Variants in PLXNA4 observed in about 807,000 individuals in gnomAD.
The protein encoded by PLXNA4 is plexin A4.
Under a neutral mutation model 191.8 loss-of-function variants are expected in PLXNA4, and 44 were observed. That is an observed-to-expected ratio of 0.23 (90% confidence interval 0.18 to 0.29). The LOEUF is 0.29. Ranked by LOEUF, PLXNA4 falls within the 10% of genes least tolerant of loss-of-function variation. PLXNA4 has a pLI of 1.00. For synonymous variants in PLXNA4, 1,082 were observed against 1,009.5 expected (o/e 1.07, Z -1.36); for missense variants, 1,800 against 2,488.8 (o/e 0.72, Z 5.89).
intron 11 of PLXNA4, 48 bp downstream of exon 11, chr7:132,203,275 C>T (rs907907455): frequency 1.3e-6 from 2 of 1,533,438 alleles, no homozygotes; most frequent in Non-Finnish European, 9.0e-7. Context: ...TCCCTCTCTA[C>T]CCCATCCCTT....
At position 132,178,288 on chromosome 7, in the gene PLXNA4, G is replaced by C. The variant is rs981503279; in HGVS notation, c.3874+1399C>G. On this transcript the variant is annotated intron_variant, in intron 20 of 31. Coordinates refer to ENST00000321063, the MANE Select transcript of PLXNA4 (RefSeq NM_020911.2). ...CTCAACCAGGATTCCAGGTATGGAG[G>C]CTGCTCTAGTGGGGTGAAGGTGCTC... Among the ~76,000 whole-genome samples the C allele has an allele frequency of 1.1e-4, 16 of 152,288 alleles. No individual in the cohort carries two copies. In the East Asian group the frequency reaches 2.7e-3, roughly 26 times the overall value.
intron 3 of PLXNA4, among the ~76,000 whole-genome samples, chr7:132,470,511 C>CT: frequency 6.6e-6 from 1 of 152,308 alleles, no homozygotes; most frequent in South Asian, 2.1e-4. Context: ...ATCATGCCCC[C>CT]TCCCCAAAGA....
At chr7:132,563,835 CCTCCTCCTT>C in intron 1 of PLXNA4, among the ~76,000 whole-genome samples, 1 of 79,484 alleles carries the variant, frequency 1.3e-5, no homozygotes, top group Non-Finnish European at 3.0e-5. Context: ...TCCTTCTCCT[CCTCCTCCTT>C]CTGCTGCTCC....
At chr7:132,564,373 T>TCTCCTC (rs112244070) in intron 1 of PLXNA4, among the ~76,000 whole-genome samples, 2 of 107,274 alleles carry the variant, frequency 1.9e-5, no homozygotes, top group African/African-American at 6.9e-5. Context: ...TCCTCCTCCT[T>TCTCCTC]CTCCTCCTCC....
chr7:132,432,201 C>A (rs189557033), intron 3 of PLXNA4, among the ~76,000 whole-genome samples: 1 of 152,176 alleles, frequency 6.6e-6, no homozygotes, highest in Admixed American at 6.5e-5. Context: ...TGGTGACGGA[C>A]GACTCACCAG....
intron 1 of PLXNA4, among the ~76,000 whole-genome samples, chr7:132,647,949 TCA>T (rs965594925): frequency 3.3e-5 from 5 of 150,602 alleles, no homozygotes; most frequent in Non-Finnish European, 5.9e-5. Context: ...ACATACACAT[TCA>T]CACACAGTCA....
rs1026808969 is a variant in PLXNA4 at position 132,506,736 on chromosome 7, C to G, written c.1188+770G>C. Among the ~76,000 whole-genome samples, 4 of 152,190 alleles carry G rather than the reference C, an allele frequency of 2.6e-5. 1 individual carries two copies. Among genetic ancestry groups the G allele is most frequent in the Admixed American group, 2.6e-4 (4 of 15,286 alleles). On this transcript the variant is annotated intron_variant, in intron 2 of 31. Transcript: ENST00000321063. ...AGCAAGGCCATACCCACCAGCCATG[C>G]GAAGACCCCTAAGCCAACCCTTCTC...
intron 4 of PLXNA4, among the ~76,000 whole-genome samples, chr7:132,264,554 T>TATAC (rs1799772711): frequency 6.6e-6 from 1 of 152,136 alleles, no homozygotes. Flanking sequence ...CTACTTCTGC[T>TATAC]ATACACAGGG....
intron 2 of PLXNA4, among the ~76,000 whole-genome samples, chr7:132,638,710 T>C (rs34411527): frequency 0.54 from 82,780 of 151,920 alleles, 22,804 homozygotes; most frequent in Non-Finnish European, 0.56. Context: ...TTCTGGTCTA[T>C]CACATCTTCA....
chr7:132,370,232 C>T lies in PLXNA4; in HGVS notation c.1372-72010G>A, dbSNP rs566481882. Among the ~76,000 whole-genome samples the T allele has an allele frequency of 1.9e-4, 29 of 152,266 alleles. No homozygotes were observed. The South Asian group carries it at 4.8e-3, about 25-fold the overall frequency. Reference sequence around the variant, plus strand: ...GTAGAAAATCCAGGTACATTCCTCCCGAAATGCTGTTCTGGTGAGTGGATG... The same window carrying T: ...GTAGAAAATCCAGGTACATTCCTCCTGAAATGCTGTTCTGGTGAGTGGATG... On this transcript the variant is annotated intron_variant, in intron 3 of 31. Transcript: ENST00000321063.
chr7:132,430,511 C>G (rs528874820), intron 3 of PLXNA4, among the ~76,000 whole-genome samples: 1 of 152,134 alleles, frequency 6.6e-6, no homozygotes, highest in Admixed American at 6.5e-5. Context: ...TTGAGCTAAG[C>G]CTGACAAGAT....
chr7:132,541,727 G>A (rs1296745061), intron 1 of PLXNA4, among the ~76,000 whole-genome samples: 1 of 152,228 alleles, frequency 6.6e-6, no homozygotes, highest in Non-Finnish European at 1.5e-5. Flanking sequence ...TAGAGCATGG[G>A]TTGCTGCTTT....
intron 4 of PLXNA4, among the ~76,000 whole-genome samples, chr7:132,242,877 CCT>C (rs1798928880): frequency 6.6e-6 from 1 of 152,114 alleles, no homozygotes; most frequent in Admixed American, 6.6e-5. Context: ...AAGAATTTGC[CCT>C]CTTTCTGTTG....
At chr7:132,269,025 T>G (rs1799960391) in intron 4 of PLXNA4, among the ~76,000 whole-genome samples, 1 of 152,206 alleles carries the variant, frequency 6.6e-6, no homozygotes, top group South Asian at 2.1e-4. Flanking sequence ...TTCTATTAGC[T>G]TGTGGTCTTA....
rs1446966969 is a variant in PLXNA4, at chr7:132,127,078, C to T, written c.*3401G>A. 1.3e-5 allele frequency: 2 copies of T among 152,170 alleles called. No homozygotes were observed. Among genetic ancestry groups the T allele is most frequent in the African/African-American group, 4.8e-5 (2 of 41,422 alleles). The allele number at this position is 152,170 out of a possible 1,614,324, so 9.4% of individuals were successfully genotyped here. ...CCACTCTGTTTCTTGTCTTCCTCTA[C>T]TTATTCCTTAAAATTTAGGACCCCA... On this transcript the variant is annotated 3_prime_UTR_variant, in exon 32 of 32. Coordinates refer to ENST00000321063, the MANE Select transcript of PLXNA4 (RefSeq NM_020911.2).
Position 132,181,589 on chromosome 7 carries a change from G to C in PLXNA4, c.3284C>G (p.Thr1095Ser). 1 of 1,614,214 alleles carries C rather than the reference G, an allele frequency of 6.2e-7. No homozygotes were observed. ...CAGAGCGAGGGCGGGCGCCTGACAG[G>C]TCATCTCAGTAGCGTTCAGAACCTC... is the stretch of plus-strand genomic sequence containing the variant. ...ICEVLNATEMTCQAPALALGP... is the reference protein window; with the variant it reads ...ICEVLNATEMSCQAPALALGP... Residue 1095 changes from threonine to serine, a missense_variant, in exon 18 of 32, where the codon ACC becomes AGC. Physicochemically the swap from Thr to Ser is moderately conservative, Grantham distance 58 (BLOSUM62 1). This residue lies in a region of PLXNA4 where 1,397 missense variants were observed against 1,880.4 expected (regional missense o/e 0.74). Transcript: ENST00000321063.
At position 132,130,313 on chromosome 7, in the gene PLXNA4, A is replaced by G. The variant is rs1794887834; in HGVS notation, c.*166T>C. 1.0e-5 allele frequency: 10 copies of G among 955,272 alleles called. No individual in the cohort carries two copies. Among genetic ancestry groups the G allele is most frequent in the Middle Eastern group, 6.5e-4 (2 of 3,058 alleles). The allele number at this position is 955,272 out of a possible 1,614,324, so 59.2% of individuals were successfully genotyped here. A position where few individuals can be genotyped will look rare whatever the true frequency, so the allele number is the denominator to read the frequency against. ...AGAGCAACTGGAAGAGAAGAGATCC[A>G]GGAAGGAGGGAGAAACGGAAAGAGG... On this transcript the variant is annotated 3_prime_UTR_variant, in exon 32 of 32. Coordinates refer to ENST00000321063, the MANE Select transcript of PLXNA4 (RefSeq NM_020911.2).
chr7:132,599,028 A>G lies in PLXNA4; in HGVS notation c.-87+46900T>C, dbSNP rs116292288. 6.2e-3 allele frequency among the ~76,000 whole-genome samples: 951 copies of G among 152,266 alleles called. 10 individuals are homozygous for G. Among genetic ancestry groups the G allele is most frequent in the African/African-American group, 0.022 (920 of 41,538 alleles). On this transcript the variant is annotated intron_variant, in intron 2 of 4. Coordinates refer to the PLXNA4 transcript ENST00000378539. ...GCCAAATCTGTTAATTAAATAGTTC[A>G]TCTTTCCCTCATTAATTCATAATTC...
chr7:132,476,116 A>G (rs1227643952), intron 3 of PLXNA4, among the ~76,000 whole-genome samples: 3 of 152,106 alleles, frequency 2.0e-5, no homozygotes, highest in African/African-American at 7.2e-5. Flanking sequence ...GTGCATGTTT[A>G]TGACTATGGA....
Sources: allele counts gnomAD v4.1 joint callset (sites outside exome capture counted in the v4.1 genomes callset), GRCh38; gene constraint gnomAD v4.1.1; regional missense constraint gnomAD v4.1.1; transcripts MANE v1.5; gene names NCBI Gene and HGNC (gene_info 2026-07-23, HGNC 2026-07-21).